Variants in CSMD1 observed in about 807,000 individuals in gnomAD.
The protein encoded by CSMD1 is CUB and sushi domain-containing protein 1.
In CSMD1, 213 loss-of-function variants were observed where a neutral mutation model predicts 417.5. The ratio of observed to expected loss-of-function variants is 0.51; its 90% CI spans 0.46 to 0.57. CSMD1 has a LOEUF of 0.57. Among genes scored for constraint, CSMD1 ranks in the 20% least tolerant of loss-of-function variants. The pLI is 0.00. For synonymous variants in CSMD1, 2,862 were observed against 1,736.8 expected (o/e 1.65, Z -16.11); for missense variants, 6,923 against 4,529.7 (o/e 1.53, Z -15.17).
intron 5 of CSMD1, among the ~76,000 whole-genome samples, chr8:3,977,630 A>G (rs1021877885): frequency 2.0e-5 from 3 of 152,110 alleles, no homozygotes; most frequent in Non-Finnish European, 4.4e-5. Flanking sequence ...GAGCATTGCC[A>G]CTCTTGAGAG....
At chr8:4,762,513 T>C (rs892077769) in intron 1 of CSMD1, among the ~76,000 whole-genome samples, 4 of 152,174 alleles carry the variant, frequency 2.6e-5, no homozygotes, top group African/African-American at 9.7e-5. Context: ...GGTAAGCATA[T>C]ATGTCTCCTA....
intron 3 of CSMD1, among the ~76,000 whole-genome samples, chr8:4,062,830 G>T (rs1370642622): frequency 6.6e-6 from 1 of 151,642 alleles, no homozygotes; most frequent in Non-Finnish European, 1.5e-5. Context: ...TTAGGTCTTT[G>T]TGTGTCAAAA....
At chr8:3,748,611 A>G (rs2129052496) in intron 6 of CSMD1, among the ~76,000 whole-genome samples, 1 of 152,354 alleles carries the variant, frequency 6.6e-6, no homozygotes, top group South Asian at 2.1e-4. Context: ...GAATCCAGGT[A>G]TACTCCTAGA....
At chr8:3,456,113 G>A (rs1816111278) in intron 12 of CSMD1, among the ~76,000 whole-genome samples, 1 of 152,182 alleles carries the variant, frequency 6.6e-6, no homozygotes, top group Non-Finnish European at 1.5e-5. Flanking sequence ...TCAAAGCCAG[G>A]TGCAGGATAT....
At chr8:4,204,000 C>T (rs570275325) in intron 3 of CSMD1, among the ~76,000 whole-genome samples, 3 of 152,282 alleles carry the variant, frequency 2.0e-5, no homozygotes, top group African/African-American at 4.8e-5. Context: ...ACTCGGAAGA[C>T]TGAGGCATCA....
chr8:3,757,032 G>A (rs1212349735), intron 5 of CSMD1, among the ~76,000 whole-genome samples: 1 of 152,156 alleles, frequency 6.6e-6, no homozygotes, highest in Non-Finnish European at 1.5e-5. Context: ...TGAACTCACA[G>A]CCTCAAGAAA....
At chr8:3,881,349 G>A (rs1213001037) in intron 5 of CSMD1, among the ~76,000 whole-genome samples, 1 of 150,916 alleles carries the variant, frequency 6.6e-6, no homozygotes, top group East Asian at 2.0e-4. Context: ...TAAAAAGCAA[G>A]TTGGGGCCGG....
intron 3 of CSMD1, among the ~76,000 whole-genome samples, chr8:4,418,753 C>T (rs1217530): frequency 0.011 from 1,641 of 148,064 alleles, 24 homozygotes; most frequent in African/African-American, 0.039. Flanking sequence ...ATCCACTGAT[C>T]TTCAATTAGC....
chr8:4,929,952 TAC>T (rs1807137514), intron 1 of CSMD1, among the ~76,000 whole-genome samples: 1 of 152,234 alleles, frequency 6.6e-6, no homozygotes, highest in Non-Finnish European at 1.5e-5. Context: ...TGAGTGAAGC[TAC>T]AGTTTTCTGT....
At chr8:4,133,058 C>G (rs868277307) in intron 3 of CSMD1, among the ~76,000 whole-genome samples, 2 of 152,228 alleles carry the variant, frequency 1.3e-5, no homozygotes, top group Non-Finnish European at 2.9e-5. Context: ...GCCTCAGCCT[C>G]TTGAGTAGTT....
chr8:3,481,621 C>A (rs572947448), intron 11 of CSMD1, among the ~76,000 whole-genome samples: 17 of 152,240 alleles, frequency 1.1e-4, no homozygotes, highest in African/African-American at 3.9e-4. Context: ...GGGGGATTGT[C>A]CTGAATGATG....
Position 2,966,681 on chromosome 8 carries a change from A to T in CSMD1, c.8989T>A (p.Phe2997Ile). The part of the protein sequence containing the change: ...GMIVSSDGIL[F>I]SSSVIYACWE... ...CAGGCATAGATGACCGAGCTGGAGA[A>T]CAGAATGCCATCACTACTGACAATC... Residue 2997 changes from phenylalanine (F) to isoleucine (I), a missense_variant, in exon 58 of 70, where the codon TTC (phenylalanine) becomes ATC (isoleucine). By Grantham distance (21) the Phe-to-Ile change is conservative. Transcript: ENST00000635120. The T allele has an allele frequency of 6.2e-7, 1 of 1,613,838 alleles. No homozygotes were observed. Among genetic ancestry groups the T allele is most frequent in the Non-Finnish European group, 8.5e-7 (1 of 1,179,830 alleles).
At chr8:4,769,288 T>C (rs1042341948) in intron 1 of CSMD1, among the ~76,000 whole-genome samples, 4 of 152,188 alleles carry the variant, frequency 2.6e-5, no homozygotes, top group African/African-American at 9.7e-5. Flanking sequence ...AAAGTACACC[T>C]GAAGGAATCT....
intron 5 of CSMD1, among the ~76,000 whole-genome samples, chr8:3,873,465 A>G (rs1010227452): frequency 6.6e-6 from 1 of 152,128 alleles, no homozygotes; most frequent in African/African-American, 2.4e-5. Context: ...AGAAAACCAA[A>G]TACCACACGT....
At chr8:4,353,408 C>A (rs1801212967) in intron 3 of CSMD1, among the ~76,000 whole-genome samples, 1 of 152,090 alleles carries the variant, frequency 6.6e-6, no homozygotes, top group Admixed American at 6.6e-5. Flanking sequence ...GTCCACTAAA[C>A]CTCTTTCCTT....
intron 3 of CSMD1, among the ~76,000 whole-genome samples, chr8:4,101,662 T>A (rs995992654): frequency 1.3e-5 from 2 of 152,202 alleles, no homozygotes; most frequent in African/African-American, 4.8e-5. Flanking sequence ...CCAAATAGAA[T>A]GTTGAATTTA....
intron 12 of CSMD1, among the ~76,000 whole-genome samples, chr8:3,459,642 G>T (rs2117145513): frequency 6.6e-6 from 1 of 152,226 alleles, no homozygotes; most frequent in Non-Finnish European, 1.5e-5. Context: ...CTCCCGGACG[G>T]TCCAGGGGAG....
chr8:4,028,988 T>C (rs1014676970), intron 4 of CSMD1, among the ~76,000 whole-genome samples: 1 of 152,312 alleles, frequency 6.6e-6, no homozygotes, highest in East Asian at 1.9e-4. Context: ...GGAATTCTCA[T>C]CTTGCTCTGA....
At chr8:3,957,496 G>C (rs967641902) in intron 5 of CSMD1, among the ~76,000 whole-genome samples, 1 of 151,650 alleles carries the variant, frequency 6.6e-6, no homozygotes, top group Non-Finnish European at 1.5e-5. Flanking sequence ...GGGCAACATG[G>C]CCGCACTCTT....
Sources: gnomAD v4.1 joint callset for allele counts (sites outside exome capture counted in the v4.1 genomes callset) on GRCh38, gnomAD v4.1.1 for gene constraint, MANE v1.5 for transcripts, NCBI Gene and HGNC (gene_info 2026-07-23, HGNC 2026-07-21) for gene names.